The following KCNAB3 variants were observed in gnomAD, a reference collection of about 807,000 sequenced individuals.
KCNAB3 encodes the protein voltage-gated potassium channel subunit beta-3.
KCNAB3 carries 62 observed loss-of-function variants against 67.7 expected under a neutral mutation model. The observed-to-expected ratio is 0.92, with a 90% CI of 0.75 to 1.13. The LOEUF (loss-of-function observed/expected upper bound fraction) is 1.13, where lower values mean the gene tolerates loss of function less well. Ranked by LOEUF, KCNAB3 falls within the 50% of genes most tolerant of loss-of-function variation. The pLI is 0.00. For synonymous variants in KCNAB3, 212 were observed against 205.4 expected, an observed-to-expected ratio of 1.03 and a Z score of -0.27; for missense variants, 514 against 522.9, an observed-to-expected ratio of 0.98 and a Z score of 0.17.
rs1972361290 is a variant in KCNAB3, at chr17:7,929,652, G to A, written c.-217C>T. ...GCGGGAGGGAAGAAACGTGGGGGGC[G>A]CCAGGAGTGGAGATATTCAGTTACG... is the stretch of plus-strand genomic sequence containing the variant. On this transcript the variant is annotated 5_prime_UTR_variant, in exon 1 of 14. Transcript: ENST00000303790. This position sits in a 1 kb window ranked among gnomAD's most constrained non-coding sequence, Gnocchi z 5.7. 17 of 1,420,160 alleles carry A rather than the reference G, an allele frequency of 1.2e-5. No homozygotes were observed. Among genetic ancestry groups the A allele is most frequent in the Middle Eastern group, 2.6e-4 (1 of 3,826 alleles). 88.0% of individuals were successfully genotyped at this position (1,420,160 alleles called of 1,614,324 possible). A position where few individuals can be genotyped will look rare whatever the true frequency, so the allele number is the denominator to read the frequency against.
intron 11 of KCNAB3, 52 bp downstream of exon 11, chr17:7,923,916 C>T (rs375771014): frequency 1.1e-4 from 167 of 1,577,166 alleles, no homozygotes; most frequent in African/African-American, 2.7e-4. Flanking sequence ...GTAACTCCCC[C>T]CAAAGCAGCC....
rs762534110 is a variant in KCNAB3, at chr17:7,923,084, C to G, written c.*18G>C. The G allele has an allele frequency of 6.2e-6, 10 of 1,613,304 alleles. No homozygotes were observed. In the Admixed American group the frequency reaches 1.5e-4, roughly 24 times the overall value. On this transcript the variant is annotated 3_prime_UTR_variant, in exon 14 of 14. Coordinates refer to ENST00000303790, the MANE Select transcript of KCNAB3 (RefSeq NM_004732.4). ...CGGGTGCAGCGACACCGGGTTGGGTCCCTGCGCCCGCGACAGACTACTTCT... is the reference window on the plus strand; with the variant it reads ...CGGGTGCAGCGACACCGGGTTGGGTGCCTGCGCCCGCGACAGACTACTTCT...
chr17:7,923,846 G>T lies in KCNAB3; in HGVS notation c.928-15C>A. 3 of 1,565,500 alleles carry T rather than the reference G, an allele frequency of 1.9e-6. No individual in the cohort carries two copies. Among genetic ancestry groups the T allele is most frequent in the Non-Finnish European group, 2.6e-6 (3 of 1,154,970 alleles). On this transcript the variant is annotated splice_polypyrimidine_tract_variant and intron_variant, in intron 11 of 13. Coordinates refer to ENST00000303790, the MANE Select transcript of KCNAB3 (RefSeq NM_004732.4). ...CACTGGTAGCCCTGGAGGCCAAGAA[G>T]AATCAACAGAAGACCCCGCCATCAC...
intron 8 of KCNAB3, chr17:7,924,820 G>T: frequency 1.4e-6 from 1 of 704,270 alleles, no homozygotes; most frequent in Non-Finnish European, 2.1e-6. Context: ...ATAGCTCACT[G>T]TGGCCTCAAA....
chr17:7,927,742 G>A (rs1312282684), intron 2 of KCNAB3, 41 bp downstream of exon 2: 15 of 1,613,994 alleles, frequency 9.3e-6, no homozygotes, highest in Non-Finnish European at 1.2e-5. Flanking sequence ...GGCAGACCAT[G>A]AAAGAATGCC....
chr17:7,923,057 G>A lies in KCNAB3; in HGVS notation c.*45C>T. 1 of 1,579,226 alleles carries A rather than the reference G, an allele frequency of 6.3e-7. No individual in the cohort carries two copies. The highest frequency in any genetic ancestry group is 8.7e-7 in the Non-Finnish European group (1 of 1,148,676). On this transcript the variant is annotated 3_prime_UTR_variant, in exon 14 of 14. Transcript: ENST00000303790. ...AGGCGGCTGCGAGGAGCGGGGCTCG[G>A]GCGGGTGCAGCGACACCGGGTTGGG... is the stretch of plus-strand genomic sequence containing the variant.
In KCNAB3 at chr17:7,929,820, G is replaced by GAAT; in HGVS notation, c.-386_-385insATT. ...TTCAGCGCGAACCGCTGCGGGACCC[G>GAAT]CTGGGCTCCCAGCCGCGTCGGCAGC... On this transcript the variant is annotated 5_prime_UTR_variant, in exon 1 of 14. Coordinates refer to ENST00000303790, the MANE Select transcript of KCNAB3 (RefSeq NM_004732.4). The surrounding 1 kb of genome is among the most constrained non-coding windows in gnomAD (Gnocchi z 5.7). 2.9e-6 allele frequency: 3 copies of GAAT among 1,022,710 alleles called. No individual in the cohort carries two copies. The highest frequency in any genetic ancestry group is 3.7e-5 in the South Asian group (1 of 27,032). The allele number at this position is 1,022,710 out of a possible 1,614,324, so 63.4% of individuals were successfully genotyped here. A position where few individuals can be genotyped will look rare whatever the true frequency, so the allele number is the denominator to read the frequency against.
intron 4 of KCNAB3, 68 bp downstream of exon 4, chr17:7,927,276 G>A (rs962096213): frequency 2.1e-6 from 3 of 1,423,376 alleles, no homozygotes; most frequent in African/African-American, 1.4e-5. Flanking sequence ...GAGGGAAAAC[G>A]AGAAGATAAT....
rs544388356 is a variant in KCNAB3 at position 7,929,393 on chromosome 17, G to A, written c.43C>T (p.Arg15Trp). 1.5e-5 allele frequency: 24 copies of A among 1,548,508 alleles called. 1 individual carries two copies. The African/African-American group carries it at 1.9e-4, about 12-fold the overall frequency. Residue 15 changes from arginine (R) to tryptophan (W), a missense_variant, in exon 1 of 14, where the codon CGG (arginine) becomes TGG (tryptophan). Arg to Trp is a moderately radical substitution (Grantham distance 101). Coordinates refer to ENST00000303790, the MANE Select transcript of KCNAB3 (RefSeq NM_004732.4). This position sits in a 1 kb window ranked among gnomAD's most constrained non-coding sequence, Gnocchi z 5.7. Reference protein sequence around the residue: ...IACTEQNLRSRSSEDRLCGPR... With the variant: ...IACTEQNLRSWSSEDRLCGPR... ...CCACACAGACGGTCCTCACTGCTCC[G>A]GCTGCGAAGGTTCTGCTCGGTACAC...
At chr17:7,927,478 C>CT in intron 3 of KCNAB3, 55 bp from the exon 4 acceptor site, 1 of 1,566,422 alleles carries the variant, frequency 6.4e-7, no homozygotes, top group Non-Finnish European at 8.8e-7. Flanking sequence ...ACCTCCCTCA[C>CT]TGTACTCTAA....
At position 7,923,725 on chromosome 17, in the gene KCNAB3, G is replaced by C; in HGVS notation, c.1034C>G (p.Ala345Gly). 6.4e-7 allele frequency: 1 copy of C among 1,563,046 alleles called. No individual in the cohort carries two copies. Among genetic ancestry groups the C allele is most frequent in the Non-Finnish European group, 8.7e-7 (1 of 1,152,854 alleles). Residue 345 changes from alanine (A) to glycine (G), a missense_variant, in exon 12 of 14, where the codon GCC becomes GGC. Coordinates refer to ENST00000303790, the MANE Select transcript of KCNAB3 (RefSeq NM_004732.4). ...PVAHQLGCTV[A>G]QLAIAWCLRS... ...CAATGTCTCACCAATAGCAAGCTGG[G>C]CCACGGTGCAGCCCAGCTGGTGAGC...
chr17:7,923,439 C>A lies in KCNAB3; in HGVS notation c.1137+17G>T. 6.2e-7 allele frequency: 1 copy of A among 1,600,920 alleles called. No homozygotes were observed. The highest frequency in any genetic ancestry group is 8.5e-7 in the Non-Finnish European group (1 of 1,173,592). ...GGAGGGGGACAGATAGGCTCTGCCTCTGAGTCCCCGGCTCACCTGTAGCGC... is the reference window on the plus strand; with the variant it reads ...GGAGGGGGACAGATAGGCTCTGCCTATGAGTCCCCGGCTCACCTGTAGCGC... On this transcript the variant is annotated intron_variant, in intron 13 of 13. Coordinates refer to ENST00000303790, the MANE Select transcript of KCNAB3 (RefSeq NM_004732.4).
Position 7,929,257 on chromosome 17 carries a change from CG to C in KCNAB3, c.178del (p.Arg60AspfsTer19). ...GAGGGCCCCAGCGGGCGCTGGGGGT[CG>C]GGGAACCAGTGCAGCTCGGGCCTTG... ...GPKARAALVP[R>X]PPAPAGALRE... On this transcript the variant is annotated frameshift_variant, in exon 1 of 14. Coordinates refer to ENST00000303790, the MANE Select transcript of KCNAB3 (RefSeq NM_004732.4). LOFTEE classifies it high-confidence loss of function. The surrounding 1 kb of genome is among the most constrained non-coding windows in gnomAD (Gnocchi z 5.7). 1.9e-6 allele frequency: 3 copies of C among 1,607,676 alleles called. No homozygotes were observed. Among genetic ancestry groups the C allele is most frequent in the South Asian group, 1.1e-5 (1 of 90,334 alleles).
chr17:7,925,855 T>TGG, intron 6 of KCNAB3, 76 bp downstream of exon 6: 13 of 1,547,788 alleles, frequency 8.4e-6, no homozygotes, highest in African/African-American at 1.4e-5. Context: ...AGGATAGCTG[T>TGG]CCCCACCCCC....
In KCNAB3 at chr17:7,923,177, C is replaced by T. The variant is rs759485349; in HGVS notation, c.1140G>A (p.Val380=). The change falls in exon 14 of 14, where the codon GTG becomes GTA. Residue 380 remains valine, a splice_region_variant and synonymous_variant. Transcript: ENST00000303790. ...CTGTCTGCGGGGTCAGCTGGCTCAG[C>T]ACCTGGAGGAGAGTGGGACGGTGGC... The part of the protein sequence containing the change: ...QLIEHLGALQ[V]LSQLTPQTVM... 3 of 1,614,134 alleles carry T rather than the reference C, an allele frequency of 1.9e-6. No individual in the cohort carries two copies. Among genetic ancestry groups the T allele is most frequent in the Non-Finnish European group, 2.5e-6 (3 of 1,179,962 alleles).
Position 7,928,992 on chromosome 17 carries a change from G to T in KCNAB3, c.242+202C>A, listed in dbSNP as rs1416210680. ...GTCTGACAGGACCCAGTCAACCTTG[G>T]TAAACTTGATTCTCGTAGTCAGGGG... On this transcript the variant is annotated intron_variant, in intron 1 of 13. Transcript: ENST00000303790. The T allele has an allele frequency of 4.8e-6, 4 of 828,774 alleles. No individual in the cohort carries two copies. In the African/African-American group the frequency reaches 5.2e-5, roughly 11 times the overall value. 51.3% of individuals were successfully genotyped at this position (828,774 alleles called of 1,614,324 possible).
At position 7,922,869 on chromosome 17, in the gene KCNAB3, G is replaced by C. The variant is rs1972078168; in HGVS notation, c.*233C>G. 3.5e-6 allele frequency: 2 copies of C among 577,710 alleles called. No individual in the cohort carries two copies. The highest frequency in any genetic ancestry group is 6.2e-6 in the Non-Finnish European group (2 of 321,102). 35.8% of individuals were successfully genotyped at this position (577,710 alleles called of 1,614,324 possible). Reference sequence around the variant, plus strand: ...CTCATGCCCGGGATTTGCAAGAAGGGCCTAGAAAGACGCAGCAGGGGGCGG... The same window carrying C: ...CTCATGCCCGGGATTTGCAAGAAGGCCCTAGAAAGACGCAGCAGGGGGCGG... On this transcript the variant is annotated 3_prime_UTR_variant, in exon 14 of 14. Coordinates refer to ENST00000303790, the MANE Select transcript of KCNAB3 (RefSeq NM_004732.4).
intron 7 of KCNAB3, 137 bp from the exon 8 acceptor site, chr17:7,925,320 G>A (rs1972187864): frequency 5.5e-5 from 36 of 650,914 alleles, no homozygotes; most frequent in South Asian, 5.3e-4. Flanking sequence ...CTGAGGTCAG[G>A]AGTTTGAGAC....
At chr17:7,926,208 G>A (rs930848978) in intron 4 of KCNAB3, 105 bp from the exon 5 acceptor site, 90 of 1,325,574 alleles carry the variant, frequency 6.8e-5, no homozygotes, top group Non-Finnish European at 9.4e-5. Context: ...TAAACCAGGA[G>A]TCCATTTCAG....
Sources: gnomAD v4.1 joint callset for allele counts on GRCh38, gnomAD v4.1.1 for gene constraint, Gnocchi (gnomAD v3.1) non-coding constraint, MANE v1.5 for transcripts, NCBI Gene and HGNC (gene_info 2026-07-23, HGNC 2026-07-21) for gene names.